Variants in GPHN observed in about 807,000 individuals in gnomAD.
GPHN encodes gephyrin.
In GPHN, 17 loss-of-function variants were observed where a neutral mutation model predicts 95.5. The ratio of observed to expected loss-of-function variants is 0.18; its 90% CI spans 0.12 to 0.27. The LOEUF (loss-of-function observed/expected upper bound fraction) is 0.27, where lower values mean the gene tolerates loss of function less well. GPHN is among the 10% of genes least tolerant of loss of function. The pLI is 1.00. For missense variants in GPHN, 660 were observed against 978.1 expected (o/e 0.67, Z 4.34); for synonymous variants, 320 against 322.5 (o/e 0.99, Z 0.08).
At chr14:67,359,320 G>A in the GPHN span, among the ~76,000 whole-genome samples, 3 of 152,202 alleles carry the variant, frequency 2.0e-5, no homozygotes, top group Admixed American at 1.3e-4. Context: ...TAGGGCAGAG[G>A]TGGCGACGGT....
At chr14:67,600,065 T>C in the GPHN span, 1 of 1,591,280 alleles carries the variant, frequency 6.3e-7, no homozygotes, top group Non-Finnish European at 8.6e-7. Context: ...AGCCACACCG[T>C]GCAGGTGACA....
At chr14:67,401,889 C>T in the GPHN span, among the ~76,000 whole-genome samples, 6 of 151,988 alleles carry the variant, frequency 3.9e-5, no homozygotes, top group African/African-American at 1.2e-4. Context: ...TTTGGGAGGC[C>T]GAGGTGGGCG....
chr14:66,864,769 T>A (rs978632691), intron 4 of GPHN, among the ~76,000 whole-genome samples: 3 of 144,104 alleles, frequency 2.1e-5, no homozygotes, highest in East Asian at 4.8e-4. Context: ...CGAGACTCTG[T>A]CTCAAAAAAA....
At chr14:67,360,286 G>A in the GPHN span, 4 of 398,774 alleles carry the variant, frequency 1.0e-5, no homozygotes, top group African/African-American at 2.1e-5. Flanking sequence ...ATGAAGAGGG[G>A]CCTCTATTCG....
At chr14:66,525,489 T>C (rs1019422221) in intron 1 of GPHN, among the ~76,000 whole-genome samples, 1 of 152,228 alleles carries the variant, frequency 6.6e-6, no homozygotes, top group Non-Finnish European at 1.5e-5. Context: ...AGATGCTCTT[T>C]AGTTTAATTA....
intron 9 of GPHN, among the ~76,000 whole-genome samples, chr14:66,975,217 G>A (rs1404382330): frequency 6.6e-6 from 1 of 152,052 alleles, no homozygotes; most frequent in Non-Finnish European, 1.5e-5. Flanking sequence ...TTTTTGTTGT[G>A]TCTTATTTTC....
chr14:66,785,711 CA>C (rs1406585282), intron 3 of GPHN, among the ~76,000 whole-genome samples: 4 of 86,312 alleles, frequency 4.6e-5, no homozygotes, highest in East Asian at 3.8e-4. Context: ...GGAACCAAAC[CA>C]AAAAAAAACC....
intron 18 of GPHN, among the ~76,000 whole-genome samples, chr14:67,150,639 T>C (rs1426777659): frequency 6.6e-6 from 1 of 152,034 alleles, no homozygotes; most frequent in African/African-American, 2.4e-5. Context: ...GTGTTATACT[T>C]AAGATTGATG....
chr14:66,941,556 C>G (rs2067428473), intron 8 of GPHN, among the ~76,000 whole-genome samples: 1 of 152,042 alleles, frequency 6.6e-6, no homozygotes, highest in South Asian at 2.1e-4. Context: ...GACCACAGAT[C>G]AGGAACCCTA....
chr14:66,626,300 T>C (rs1317949398), intron 1 of GPHN, among the ~76,000 whole-genome samples: 3 of 152,176 alleles, frequency 2.0e-5, no homozygotes, highest in Non-Finnish European at 2.9e-5. Context: ...CTGTTAATTC[T>C]TTTCTCTATA....
At chr14:67,480,070 C>T in the GPHN span, among the ~76,000 whole-genome samples, 14 of 152,216 alleles carry the variant, frequency 9.2e-5, no homozygotes, top group African/African-American at 3.1e-4. Context: ...CCACAGAAGG[C>T]TGTTGTGAGG....
chr14:67,244,296 A>G, the GPHN span, among the ~76,000 whole-genome samples: 1 of 152,166 alleles, frequency 6.6e-6, no homozygotes, highest in Admixed American at 6.5e-5. Flanking sequence ...TAATAGGTTG[A>G]TATGTGTTTT....
intron 2 of GPHN, among the ~76,000 whole-genome samples, chr14:66,765,934 A>T (rs192769362): frequency 1.3e-5 from 2 of 152,352 alleles, no homozygotes; most frequent in African/African-American, 4.8e-5. Context: ...TAGAGACTCC[A>T]GTTCCACCTG....
At chr14:66,989,701 C>T (rs1171737796) in intron 9 of GPHN, among the ~76,000 whole-genome samples, 1 of 150,442 alleles carries the variant, frequency 6.6e-6, no homozygotes, top group Non-Finnish European at 1.5e-5. Context: ...AGTATCTTCT[C>T]TAGAGAGTTC....
the GPHN span, among the ~76,000 whole-genome samples, chr14:67,231,912 T>G: frequency 2.7e-5 from 4 of 150,416 alleles, no homozygotes; most frequent in African/African-American, 9.8e-5. Context: ...GAGGTTGCAG[T>G]GAGCTGAGAT....
chr14:66,621,069 A>G (rs528052022), intron 1 of GPHN, among the ~76,000 whole-genome samples: 1 of 151,450 alleles, frequency 6.6e-6, no homozygotes, highest in Admixed American at 6.6e-5. Context: ...GGTTCACGCC[A>G]TTCTCCTGCC....
intron 9 of GPHN, among the ~76,000 whole-genome samples, chr14:66,995,838 G>A (rs2071747826): frequency 6.6e-6 from 1 of 152,190 alleles, no homozygotes; most frequent in South Asian, 2.1e-4. Context: ...GTTCACTAGT[G>A]TTAAGCCAGT....
chr14:67,114,223 A>C (rs1166192732), intron 16 of GPHN, among the ~76,000 whole-genome samples: 2 of 152,232 alleles, frequency 1.3e-5, no homozygotes, highest in Non-Finnish European at 2.9e-5. Context: ...CATTCTTTTC[A>C]ATTTGATCTA....
intron 4 of GPHN, among the ~76,000 whole-genome samples, chr14:66,878,761 G>C (rs1721162329): frequency 1.3e-5 from 2 of 152,150 alleles, no homozygotes; most frequent in Non-Finnish European, 2.9e-5. Flanking sequence ...CTTTTATACT[G>C]TTGGTGGGAG....
Sources: allele counts gnomAD v4.1 joint callset (sites outside exome capture counted in the v4.1 genomes callset), GRCh38; gene constraint gnomAD v4.1.1; transcripts MANE v1.5; gene names NCBI Gene and HGNC (gene_info 2026-07-23, HGNC 2026-07-21).